The following FHIT variants were observed in gnomAD, a reference collection of about 807,000 sequenced individuals.
FHIT encodes bis(5'-adenosyl)-triphosphatase.
A neutral mutation model predicts 17.9 loss-of-function variants in FHIT; 19 were observed. The ratio of observed to expected loss-of-function variants is 1.06; its 90% CI spans 0.74 to 1.56. The LOEUF (loss-of-function observed/expected upper bound fraction) is 1.56, where lower values mean the gene tolerates loss of function less well. Among genes scored for constraint, FHIT ranks in the 40% most tolerant of loss-of-function variants. The pLI is 0.00. For missense variants in FHIT, 248 were observed against 189.2 expected, an observed-to-expected ratio of 1.31 and a Z score of -1.82; for synonymous variants, 81 against 69.7, an observed-to-expected ratio of 1.16 and a Z score of -0.81.
intron 8 of FHIT, among the ~76,000 whole-genome samples, chr3:59,864,358 A>C (rs967739685): frequency 6.6e-6 from 1 of 151,760 alleles, no homozygotes; most frequent in African/African-American, 2.4e-5. Flanking sequence ...GTTCTTCCTG[A>C]TTTTCTCTTG....
intron 3 of FHIT, among the ~76,000 whole-genome samples, chr3:60,959,801 CTT>C (rs1246211795): frequency 3.9e-4 from 47 of 119,614 alleles, no homozygotes; most frequent in Non-Finnish European, 3.8e-4. Context: ...GAGGCTTTTT[CTT>C]TTTTTTTTTT....
At chr3:60,775,389 C>T (rs1169936881) in intron 4 of FHIT, among the ~76,000 whole-genome samples, 2 of 152,128 alleles carry the variant, frequency 1.3e-5, no homozygotes, top group Admixed American at 6.5e-5. Context: ...ATGTTTGCAG[C>T]GGGGAGGAGC....
rs150384418 is a variant in FHIT at position 60,549,881 on chromosome 3, G to A, written c.-17-12902C>T. 9.8e-3 allele frequency among the ~76,000 whole-genome samples: 1,487 copies of A among 152,214 alleles called. 24 individuals are homozygous for A. Among genetic ancestry groups the A allele is most frequent in the African/African-American group, 0.033 (1,351 of 41,526 alleles). ...ATGGCCAGGAATATTAAGGTTCACT[G>A]TAAAAAATAATCTGCTATTTTTATA... On this transcript the variant is annotated intron_variant, in intron 4 of 9. Coordinates refer to ENST00000492590, the MANE Select transcript of FHIT (RefSeq NM_002012.4).
intron 5 of FHIT, among the ~76,000 whole-genome samples, chr3:60,069,437 T>C (rs954820346): frequency 1.3e-5 from 2 of 152,206 alleles, no homozygotes; most frequent in African/African-American, 2.4e-5. Flanking sequence ...CAATTACACA[T>C]TCTGACAACA....
At chr3:61,208,671 A>T (rs1375177227) in intron 1 of FHIT, among the ~76,000 whole-genome samples, 1 of 151,812 alleles carries the variant, frequency 6.6e-6, no homozygotes, top group Non-Finnish European at 1.5e-5. Context: ...TTTGCTTGGT[A>T]GATCTTCCTC....
chr3:60,532,024 C>A (rs1023629830), intron 5 of FHIT, among the ~76,000 whole-genome samples: 10 of 152,102 alleles, frequency 6.6e-5, no homozygotes, highest in African/African-American at 2.4e-4. Context: ...TAAGGCTGTC[C>A]CTACATGCAT....
chr3:59,919,137 G>T (rs62238311), intron 8 of FHIT, among the ~76,000 whole-genome samples: 1 of 152,038 alleles, frequency 6.6e-6, no homozygotes, highest in Non-Finnish European at 1.5e-5. Flanking sequence ...TGAAAATGGC[G>T]GTAATGATCA....
intron 3 of FHIT, among the ~76,000 whole-genome samples, chr3:60,972,606 T>C (rs1450144346): frequency 6.6e-6 from 1 of 152,104 alleles, no homozygotes; most frequent in Non-Finnish European, 1.5e-5. Context: ...TTGATGTTAT[T>C]CATTAATTTT....
At chr3:59,906,193 G>A (rs1704577448) in intron 8 of FHIT, among the ~76,000 whole-genome samples, 2 of 152,214 alleles carry the variant, frequency 1.3e-5, no homozygotes, top group African/African-American at 4.8e-5. Context: ...GAGAGCTGGA[G>A]CTTGAATGGA....
Position 60,702,416 on chromosome 3 carries a change from T to A in FHIT, c.-18+119503A>T, listed in dbSNP as rs536265148. On this transcript the variant is annotated intron_variant, in intron 4 of 9. Transcript: ENST00000492590. ...TAAAAACTATTAGGGAATATGAGTA[T>A]GACTCTTTTGACAGGCAGTTTTATC... Among the ~76,000 whole-genome samples, 113 of 152,232 alleles carry A rather than the reference T, an allele frequency of 7.4e-4. 1 individual carries two copies. Among genetic ancestry groups the A allele is most frequent in the South Asian group, 7.2e-3 (35 of 4,828 alleles).
At chr3:60,069,838 C>T (rs1358223073) in intron 5 of FHIT, among the ~76,000 whole-genome samples, 2 of 152,162 alleles carry the variant, frequency 1.3e-5, no homozygotes, top group Admixed American at 1.3e-4. Context: ...AGCACTTTCA[C>T]ACATCTACGG....
intron 2 of FHIT, among the ~76,000 whole-genome samples, chr3:61,158,177 A>G (rs2037584076): frequency 6.6e-6 from 1 of 152,168 alleles, no homozygotes; most frequent in African/African-American, 2.4e-5. Flanking sequence ...TTCCACTGTG[A>G]CACAGTAGGT....
intron 4 of FHIT, among the ~76,000 whole-genome samples, chr3:60,803,714 G>T (rs1701282814): frequency 6.6e-6 from 1 of 152,028 alleles, no homozygotes; most frequent in Non-Finnish European, 1.5e-5. Context: ...CCTGCCCCTG[G>T]TGTCACCTTG....
intron 5 of FHIT, among the ~76,000 whole-genome samples, chr3:60,417,061 C>G (rs1189214336): frequency 6.6e-6 from 1 of 150,738 alleles, no homozygotes; most frequent in Non-Finnish European, 1.5e-5. Flanking sequence ...TGCACTCCAG[C>G]CTGGTCGACA....
At chr3:61,247,326 C>T (rs2040511680) in intron 1 of FHIT, among the ~76,000 whole-genome samples, 1 of 152,102 alleles carries the variant, frequency 6.6e-6, no homozygotes, top group African/African-American at 2.4e-5. Context: ...TTGAAGTTGT[C>T]AGCTTTAGAA....
At chr3:60,677,662 A>G (rs1313414320) in intron 4 of FHIT, among the ~76,000 whole-genome samples, 1 of 152,022 alleles carries the variant, frequency 6.6e-6, no homozygotes, top group African/African-American at 2.4e-5. Flanking sequence ...ATACATATGT[A>G]TACACTTATA....
intron 5 of FHIT, among the ~76,000 whole-genome samples, chr3:60,182,024 G>C (rs73831973): frequency 8.0e-4 from 121 of 152,152 alleles, no homozygotes; most frequent in Non-Finnish European, 1.4e-3. Context: ...TGCTAAGTAA[G>C]AGGCAGGTTA....
intron 1 of FHIT, among the ~76,000 whole-genome samples, chr3:61,207,488 A>G (rs1364966752): frequency 2.0e-5 from 3 of 152,140 alleles, no homozygotes; most frequent in Non-Finnish European, 4.4e-5. Flanking sequence ...TTATTGCCTC[A>G]ATTTCAGAGC....
At chr3:59,872,594 T>A (rs1371614329) in intron 8 of FHIT, among the ~76,000 whole-genome samples, 2 of 152,192 alleles carry the variant, frequency 1.3e-5, no homozygotes, top group African/African-American at 2.4e-5. Context: ...TCCACCAGGT[T>A]GCATAGTGAG....
Sources: allele counts gnomAD v4.1 joint callset (sites outside exome capture counted in the v4.1 genomes callset), GRCh38; gene constraint gnomAD v4.1.1; transcripts MANE v1.5; gene names NCBI Gene and HGNC (gene_info 2026-07-23, HGNC 2026-07-21).